GMNC: variants seen among roughly 807,000 people sequenced by gnomAD.
GMNC encodes the protein geminin coiled-coil domain-containing protein 1.
Under a neutral mutation model 33.6 loss-of-function variants are expected in GMNC, and 16 were observed. The observed-to-expected ratio is 0.48, with a 90% CI of 0.32 to 0.72. The LOEUF (loss-of-function observed/expected upper bound fraction) is 0.72. GMNC is among the 30% of genes least tolerant of loss of function. The pLI is 0.03. For missense variants in GMNC, 393 were observed against 388.9 expected (o/e 1.01, Z -0.09); for synonymous variants, 156 against 147.3 (o/e 1.06, Z -0.43).
chr3:190,860,576 A>G, intron 2 of GMNC, 108 bp downstream of exon 2: 2 of 958,986 alleles, frequency 2.1e-6, no homozygotes, highest in Non-Finnish European at 3.0e-6. Context: ...GTTTACTTAA[A>G]TTTTCCATAT....
downstream of GMNC, among the ~76,000 whole-genome samples, chr3:190,852,304 AATAG>A (rs1225846063): frequency 6.6e-6 from 1 of 152,132 alleles, no homozygotes; most frequent in East Asian, 1.9e-4. Flanking sequence ...AATTAAATCA[AATAG>A]ATAATTTTTT....
At chr3:190,847,380 T>G in the GMNC span, among the ~76,000 whole-genome samples, 1 of 152,214 alleles carries the variant, frequency 6.6e-6, no homozygotes, top group East Asian at 1.9e-4. Flanking sequence ...CCTTGACCAT[T>G]TCTCACAGCT....
rs893779711 is a variant in GMNC, at chr3:190,855,153, A to G, written c.*142T>C. On this transcript the variant is annotated 3_prime_UTR_variant, in exon 5 of 5. Transcript: ENST00000442080. ...TTGGAAGCCATTCCCTGCAGATTTA[A>G]GTGGGTAATTGAGAGTGACATTTAA... The G allele has an allele frequency of 1.0e-5, 8 of 790,702 alleles. No individual in the cohort carries two copies. The African/African-American group carries it at 1.4e-4, about 14-fold the overall frequency. 49.0% of individuals were successfully genotyped at this position (790,702 alleles called of 1,614,324 possible).
intron 2 of GMNC, among the ~76,000 whole-genome samples, chr3:190,859,515 C>T (rs1220917723): frequency 2.0e-5 from 3 of 152,120 alleles, no homozygotes; most frequent in African/African-American, 4.8e-5. Context: ...TTTAATCTAA[C>T]GGACTGTATT....
At chr3:190,851,791 G>GTTT (rs1347958613), downstream of GMNC, among the ~76,000 whole-genome samples, 1 of 151,742 alleles carries the variant, frequency 6.6e-6, no homozygotes, top group African/African-American at 2.4e-5. Flanking sequence ...CAAAATAAGG[G>GTTT]CCAAAAGTAG....
chr3:190,859,639 G>A, intron 2 of GMNC: 1 of 279,048 alleles, frequency 3.6e-6, no homozygotes, highest in Middle Eastern at 4.6e-4. Flanking sequence ...TGTTTCAACT[G>A]TCCTAATCTG....
the GMNC span, among the ~76,000 whole-genome samples, chr3:190,845,384 A>T: frequency 1.0e-3 from 157 of 152,288 alleles, 3 homozygotes; most frequent in East Asian, 0.028. Flanking sequence ...ACTGTGAGTC[A>T]ATCAAACCTC....
Position 190,855,313 on chromosome 3 carries a change from C to T in GMNC, c.987G>A (p.Trp329Ter), listed in dbSNP as rs774065063. The T allele has an allele frequency of 6.4e-7, 1 of 1,551,314 alleles. No individual in the cohort carries two copies. The highest frequency in any genetic ancestry group is 1.2e-5 in the South Asian group (1 of 84,040). ...GGGGTCACTAAGACTGCTTAGGGACCCAGGTAAACTTCCAGCCTCCCTCCT... is the reference window on the plus strand; with the variant it reads ...GGGGTCACTAAGACTGCTTAGGGACTCAGGTAAACTTCCAGCCTCCCTCCT... ...RDEEGGWKFT[W>*]VPKQS The change falls in exon 5 of 5, where the codon TGG becomes TGA. Residue 329 changes from tryptophan (W) to a stop codon, truncating the protein, a stop_gained. Coordinates refer to ENST00000442080, the MANE Select transcript of GMNC (RefSeq NM_001146686.3). LOFTEE classifies it high-confidence loss of function.
chr3:190,845,099 A>C, the GMNC span, among the ~76,000 whole-genome samples: 1 of 152,208 alleles, frequency 6.6e-6, no homozygotes, highest in African/African-American at 2.4e-5. Context: ...AGAAAAAATT[A>C]GGTGTTAGTC....
In GMNC at chr3:190,853,953, C is replaced by T. The variant is rs749287533; in HGVS notation, c.*1342G>A. 3 of 152,108 alleles carry T rather than the reference C, an allele frequency of 2.0e-5. No individual in the cohort carries two copies. The highest frequency in any genetic ancestry group is 2.9e-5 in the Non-Finnish European group (2 of 68,000). 9.4% of individuals were successfully genotyped at this position (152,108 alleles called of 1,614,324 possible). On this transcript the variant is annotated 3_prime_UTR_variant, in exon 5 of 5. Transcript: ENST00000442080. ...GAGGCAAATTATTCTTACACAGTTA[C>T]GCCGAGTTAACTGCAAAATGGGCTC...
intron 4 of GMNC, among the ~76,000 whole-genome samples, chr3:190,856,206 G>A (rs1737732802): frequency 7.4e-6 from 1 of 135,624 alleles, no homozygotes; most frequent in Non-Finnish European, 1.5e-5. Context: ...GTTACCATTT[G>A]TAAATAAACT....
At position 190,855,923 on chromosome 3, in the gene GMNC, A is replaced by G. The variant is rs1481217698; in HGVS notation, c.385-8T>C. 1.3e-6 allele frequency: 2 copies of G among 1,515,688 alleles called. No individual in the cohort carries two copies. Among genetic ancestry groups the G allele is most frequent in the East Asian group, 2.5e-5 (1 of 40,576 alleles). The allele number at this position is 1,515,688 out of a possible 1,614,324, so 93.9% of individuals were successfully genotyped here. On this transcript the variant is annotated splice_polypyrimidine_tract_variant and splice_region_variant and intron_variant, in intron 4 of 4. Coordinates refer to ENST00000442080, the MANE Select transcript of GMNC (RefSeq NM_001146686.3). ...ATCAGATGAGAGCAATTTCTAGGGA[A>G]GTGATATTTGAAAGTTATACTTTTT...
chr3:190,846,491 A>T, the GMNC span, among the ~76,000 whole-genome samples: 7 of 152,090 alleles, frequency 4.6e-5, no homozygotes, highest in Admixed American at 4.6e-4. Context: ...TACACATTTT[A>T]ACACTTTTAC....
chr3:190,844,228 C>A, the GMNC span, among the ~76,000 whole-genome samples: 1 of 151,950 alleles, frequency 6.6e-6, no homozygotes, highest in East Asian at 1.9e-4. Flanking sequence ...GTCTCTTTAG[C>A]TTTTCTCCAA....
At position 190,857,903 on chromosome 3, in the gene GMNC, C is replaced by CA; in HGVS notation, c.268-5dup. 1 of 1,504,850 alleles carries CA rather than the reference C, an allele frequency of 6.6e-7. No homozygotes were observed. The highest frequency in any genetic ancestry group is 9.1e-7 in the Non-Finnish European group (1 of 1,104,312). 93.2% of individuals were successfully genotyped at this position (1,504,850 alleles called of 1,614,324 possible). On this transcript the variant is annotated splice_polypyrimidine_tract_variant and splice_region_variant and intron_variant, in intron 3 of 4. Transcript: ENST00000442080. ...TCTGCACCAGGGTATCTTGCAGCTA[C>CA]AAAAAGCAGACAGTGGTGAAGGCTG...
chr3:190,856,460 A>AATAAATATTTATAAATAAAT (rs1286300575), intron 4 of GMNC, among the ~76,000 whole-genome samples: 2 of 117,160 alleles, frequency 1.7e-5, no homozygotes, highest in African/African-American at 3.7e-5. Context: ...AATTTATATG[A>AATAAATATTTATAAATAAAT]ATAAATATTT....
Position 190,855,832 on chromosome 3 carries a change from A to C in GMNC, c.468T>G (p.Ser156=), listed in dbSNP as rs1366226801. 4.5e-6 allele frequency: 7 copies of C among 1,551,114 alleles called. No individual in the cohort carries two copies. Among genetic ancestry groups the C allele is most frequent in the Non-Finnish European group, 6.1e-6 (7 of 1,146,542 alleles). The change falls in exon 5 of 5, where the codon TCT becomes TCG. Residue 156 remains serine (S), a synonymous_variant. Transcript: ENST00000442080. ...GKRKSKEQRY[S]PAEIPHPKNA... ...TTTTGGGATGGGGAATCTCAGCAGG[A>C]GAGTATCTTTGCTCTTTGGATTTTC...
the GMNC span, among the ~76,000 whole-genome samples, chr3:190,847,482 A>G: frequency 6.6e-6 from 1 of 152,114 alleles, no homozygotes; most frequent in Non-Finnish European, 1.5e-5. Flanking sequence ...GGGGAACATA[A>G]AGTTAAGATG....
Position 190,860,640 on chromosome 3 carries a change from A to G in GMNC, c.178+44T>C, listed in dbSNP as rs761575835. 4 of 1,498,166 alleles carry G rather than the reference A, an allele frequency of 2.7e-6. No homozygotes were observed. The African/African-American group carries it at 5.6e-5, about 21-fold the overall frequency. 92.8% of individuals were successfully genotyped at this position (1,498,166 alleles called of 1,614,324 possible). A position where few individuals can be genotyped will look rare whatever the true frequency, so the allele number is the denominator to read the frequency against. On this transcript the variant is annotated intron_variant, in intron 2 of 4. Transcript: ENST00000442080. ...GATGCTCCGCAGCCACGGGTATGGA[A>G]AAGAGCTCCAGATCTATCAGGGAAG...
Sources: allele counts gnomAD v4.1 joint callset (sites outside exome capture counted in the v4.1 genomes callset), GRCh38; gene constraint gnomAD v4.1.1; transcripts MANE v1.5; gene names NCBI Gene and HGNC (gene_info 2026-07-23, HGNC 2026-07-21).